The following LATS2 variants were observed in gnomAD, a reference collection of about 807,000 sequenced individuals.
LATS2 encodes serine/threonine-protein kinase LATS2.
Under a neutral mutation model 76.0 loss-of-function variants are expected in LATS2, and 24 were observed. The ratio of observed to expected loss-of-function variants is 0.32; its 90% confidence interval spans 0.23 to 0.44. The LOEUF is 0.44. Among genes scored for constraint, LATS2 ranks in the 20% least tolerant of loss-of-function variants. LATS2 has a pLI of 1.00. For missense variants in LATS2, 1,286 were observed against 1,481.2 expected, an observed-to-expected ratio of 0.87 and a Z score of 2.16; for synonymous variants, 692 against 635.4, an observed-to-expected ratio of 1.09 and a Z score of -1.34.
Position 20,989,260 on chromosome 13 carries a change from C to T in LATS2, c.520G>A (p.Glu174Lys), listed in dbSNP as rs769467425. ...GACGCAAACGAATCGCCGGTTCCTT[C>T]GAAGCTGGGCCTCCGCGTCACTGGG... is the stretch of plus-strand genomic sequence containing the variant. Reference protein sequence around the residue: ...PTPVTRRPSFEGTGDSFASYH... With the variant: ...PTPVTRRPSFKGTGDSFASYH... Residue 174 changes from glutamate (E) to lysine (K), a missense_variant, in exon 4 of 8, where the codon GAA (glutamate) becomes AAA (lysine). By Grantham distance (56) the Glu-to-Lys change is moderately conservative. Coordinates refer to ENST00000382592, the MANE Select transcript of LATS2 (RefSeq NM_014572.3). 4.3e-6 allele frequency: 7 copies of T among 1,614,002 alleles called. No individual in the cohort carries two copies. The highest frequency in any genetic ancestry group is 5.1e-6 in the Non-Finnish European group (6 of 1,180,034).
intron 2 of LATS2, among the ~76,000 whole-genome samples, chr13:21,037,445 T>A (rs987913128): frequency 6.7e-6 from 1 of 150,132 alleles, no homozygotes; most frequent in Non-Finnish European, 1.5e-5. Flanking sequence ...AAAAGACTAT[T>A]CAATGGAATG....
intron 1 of LATS2, among the ~76,000 whole-genome samples, chr13:21,055,267 A>G (rs995671672): frequency 2.0e-5 from 3 of 152,050 alleles, no homozygotes; most frequent in African/African-American, 7.2e-5. Flanking sequence ...TTTTTCTTTC[A>G]TCAAGAGTTT....
At position 20,975,015 on chromosome 13, in the gene LATS2, G is replaced by A; in HGVS notation, c.3122C>T (p.Thr1041Ile). 1 of 1,614,232 alleles carries A rather than the reference G, an allele frequency of 6.2e-7. No homozygotes were observed. The highest frequency in any genetic ancestry group is 8.5e-7 in the Non-Finnish European group (1 of 1,180,044). ...KHPEHAFYEF[T>I]FRRFFDDNGY... ...ATTGTCATCAAAGAACCTTCGGAAG[G>A]TGAATTCGTAAAATGCGTGCTCAGG... Residue 1041 changes from threonine (T) to isoleucine (I), a missense_variant, in exon 8 of 8, where the codon ACC becomes ATC. Around this residue, in one of 5 missense-constraint regions of LATS2, gnomAD observed 210 missense variants for 234.9 expected, o/e 0.89. Coordinates refer to ENST00000382592, the MANE Select transcript of LATS2 (RefSeq NM_014572.3).
At chr13:21,055,295 T>A (rs1195434558) in intron 1 of LATS2, among the ~76,000 whole-genome samples, 2 of 107,768 alleles carry the variant, frequency 1.9e-5, no homozygotes, top group African/African-American at 2.9e-5. Flanking sequence ...ATGACCCTCA[T>A]GGATGTGGAC....
At chr13:20,993,063 G>C (rs924353761) in intron 2 of LATS2, among the ~76,000 whole-genome samples, 122 of 142,706 alleles carry the variant, frequency 8.5e-4, no homozygotes, top group Non-Finnish European at 1.3e-3. Context: ...AAAAAAAAAT[G>C]GGGGGGTGGA....
At chr13:21,033,553 T>C (rs1480373960) in intron 2 of LATS2, among the ~76,000 whole-genome samples, 1 of 150,142 alleles carries the variant, frequency 6.7e-6, no homozygotes, top group Non-Finnish European at 1.5e-5. Flanking sequence ...AGCAGGAGAG[T>C]TGAATTAAGC....
chr13:21,052,468 A>G (rs527384936), intron 1 of LATS2, among the ~76,000 whole-genome samples: 3 of 152,102 alleles, frequency 2.0e-5, no homozygotes, highest in African/African-American at 7.2e-5. Flanking sequence ...CTCGTGCCTC[A>G]GCCACCCGAG....
chr13:21,040,391 A>G (rs1872832265), intron 2 of LATS2, among the ~76,000 whole-genome samples: 2 of 150,894 alleles, frequency 1.3e-5, no homozygotes, highest in South Asian at 4.1e-4. Flanking sequence ...AAAAAAAAAA[A>G]GAAAGAAAAA....
intron 2 of LATS2, among the ~76,000 whole-genome samples, chr13:21,028,870 ATTTCAAC>A (rs1872416003): frequency 1.3e-5 from 2 of 152,080 alleles, no homozygotes; most frequent in Admixed American, 6.6e-5. Flanking sequence ...ACCCGGCCAA[ATTTCAAC>A]TTTCAAGTGT....
rs565088291 is a variant in LATS2 at position 21,042,036 on chromosome 13, A to G, written c.342+3649T>C. On this transcript the variant is annotated intron_variant, in intron 2 of 7. Transcript: ENST00000382592. ...TGATCACTTATGCCAATAACTATCC[A>G]ATGCTCAAAATATGATACTCATAAC... 1.1e-3 allele frequency among the ~76,000 whole-genome samples: 175 copies of G among 152,336 alleles called. 1 individual carries two copies. The highest frequency in any genetic ancestry group is 2.1e-3 in the Non-Finnish European group (140 of 68,026).
chr13:21,007,561 A>ATATATATATATAG (rs1871324253), intron 2 of LATS2, among the ~76,000 whole-genome samples: 1 of 17,296 alleles, frequency 5.8e-5, no homozygotes. Flanking sequence ...ATATATATAT[A>ATATATATATATAG]TATATATATA....
rs576696591 is a variant in LATS2, at chr13:21,034,591, T to C, written c.342+11094A>G. Reference sequence around the variant, plus strand: ...AGAAGGTGCCTATTCCTGATGACACTGTGGACTGCCGTGCCACCACAGCCT... The same window carrying C: ...AGAAGGTGCCTATTCCTGATGACACCGTGGACTGCCGTGCCACCACAGCCT... On this transcript the variant is annotated intron_variant, in intron 2 of 7. Coordinates refer to ENST00000382592, the MANE Select transcript of LATS2 (RefSeq NM_014572.3). Among the ~76,000 whole-genome samples the C allele has an allele frequency of 2.6e-5, 4 of 152,300 alleles. No homozygotes were observed. The South Asian group carries it at 8.3e-4, about 32-fold the overall frequency.
At chr13:20,992,125 A>C (rs1307130817) in intron 2 of LATS2, among the ~76,000 whole-genome samples, 1 of 152,204 alleles carries the variant, frequency 6.6e-6, no homozygotes, top group African/African-American at 2.4e-5. Context: ...AGGTGGTGGC[A>C]TGGCTAGCTG....
chr13:21,019,851 G>A (rs550041617), intron 2 of LATS2, among the ~76,000 whole-genome samples: 10 of 151,106 alleles, frequency 6.6e-5, no homozygotes, highest in African/African-American at 2.4e-4. Context: ...GTGCACTCCT[G>A]TAATCCCAGC....
chr13:20,980,698 T>C (rs1869832207), intron 6 of LATS2, among the ~76,000 whole-genome samples: 2 of 152,224 alleles, frequency 1.3e-5, no homozygotes, highest in Admixed American at 1.3e-4. Flanking sequence ...AAGGTCGTTA[T>C]TGCTATGTCT....
At chr13:20,979,844 T>C (rs1332684756) in intron 6 of LATS2, 47 bp from the exon 7 acceptor site, 3 of 1,053,442 alleles carry the variant, frequency 2.8e-6, no homozygotes, top group African/African-American at 1.6e-5. Flanking sequence ...TGAATTCTCC[T>C]CCGAGGTGAA....
Position 20,983,413 on chromosome 13 carries a change from C to G in LATS2, c.2293G>C (p.Glu765Gln). 1 of 1,614,062 alleles carries G rather than the reference C, an allele frequency of 6.2e-7. No individual in the cohort carries two copies. The highest frequency in any genetic ancestry group is 8.5e-7 in the Non-Finnish European group (1 of 1,180,018). ...SLLIRMEVFPEHLARFYIAEL... is the reference protein window; with the variant it reads ...SLLIRMEVFPQHLARFYIAEL... Reference sequence around the variant, plus strand: ...GCGATGTAGAACCGGGCCAGGTGCTCAGGGAAGACCTCCATCCGGATCAGC... The same window carrying G: ...GCGATGTAGAACCGGGCCAGGTGCTGAGGGAAGACCTCCATCCGGATCAGC... Residue 765 changes from glutamate to glutamine, a missense_variant, in exon 5 of 8, where the codon GAG becomes CAG. Transcript: ENST00000382592.
At chr13:20,981,777 G>A (rs1869900407) in intron 5 of LATS2, 129 bp from the exon 6 acceptor site, 1 of 767,382 alleles carries the variant, frequency 1.3e-6, no homozygotes, top group East Asian at 2.7e-5. Flanking sequence ...GACATATCAG[G>A]ACAGAGAATC....
At chr13:20,987,338 A>T (rs1403793060) in intron 4 of LATS2, among the ~76,000 whole-genome samples, 1 of 152,250 alleles carries the variant, frequency 6.6e-6, no homozygotes, top group Non-Finnish European at 1.5e-5. Flanking sequence ...TGTGATTTAA[A>T]TCTGTTACAT....
Sources: allele counts gnomAD v4.1 joint callset (sites outside exome capture counted in the v4.1 genomes callset), GRCh38; gene constraint gnomAD v4.1.1; regional missense constraint gnomAD v4.1.1; transcripts MANE v1.5; gene names NCBI Gene and HGNC (gene_info 2026-07-23, HGNC 2026-07-21).